NPC1: variants seen among roughly 807,000 people sequenced by gnomAD.
NPC1 encodes Niemann-Pick C1 protein.
NPC1 carries 85 observed loss-of-function variants against 140.4 expected under a neutral mutation model. The ratio of observed to expected loss-of-function variants is 0.61; its 90% CI spans 0.51 to 0.72. The LOEUF (loss-of-function observed/expected upper bound fraction) is 0.72, where lower values mean the gene tolerates loss of function less well. Among genes scored for constraint, NPC1 ranks in the 30% least tolerant of loss-of-function variants. The pLI is 0.00. For synonymous variants in NPC1, 656 were observed against 624.8 expected, an observed-to-expected ratio of 1.05 and a Z score of -0.74; for missense variants, 1,504 against 1,623.8, an observed-to-expected ratio of 0.93 and a Z score of 1.27.
chr18:23,538,746 A>G, intron 19 of NPC1, 75 bp from the exon 20 acceptor site: 1 of 1,452,442 alleles, frequency 6.9e-7, no homozygotes, highest in Non-Finnish European at 9.6e-7. Flanking sequence ...TAAAATACTG[A>G]CAGTGAGGGG....
At chr18:23,512,016 C>CTTTTT (rs34759918) in intron 3 of NPC1, among the ~76,000 whole-genome samples, 1 of 127,222 alleles carries the variant, frequency 7.9e-6, no homozygotes, top group African/African-American at 2.9e-5. Flanking sequence ...GGTAGAAAGA[C>CTTTTT]TTTTTTTTTT....
Position 23,560,102 on chromosome 18 carries a change from T to C in NPC1, c.881+129A>G, listed in dbSNP as rs1426104668. ...ATAGAATAGCTGTAGGACACAATAA[T>C]CCATGCAATGGTATTCATGGAGGTA... is the stretch of plus-strand genomic sequence containing the variant. On this transcript the variant is annotated intron_variant, in intron 6 of 24. Coordinates refer to ENST00000269228, the MANE Select transcript of NPC1 (RefSeq NM_000271.5). 1.1e-5 allele frequency: 12 copies of C among 1,106,526 alleles called. No individual in the cohort carries two copies. In the Admixed American group the frequency reaches 2.1e-4, roughly 19 times the overall value. The allele number at this position is 1,106,526 out of a possible 1,614,324, so 68.5% of individuals were successfully genotyped here. A position where few individuals can be genotyped will look rare whatever the true frequency, so the allele number is the denominator to read the frequency against.
At position 23,531,514 on chromosome 18, in the gene NPC1, A is replaced by ATTAT; in HGVS notation, c.*687_*688insATAA. On this transcript the variant is annotated 3_prime_UTR_variant, in exon 25 of 25. Coordinates refer to ENST00000269228, the MANE Select transcript of NPC1 (RefSeq NM_000271.5). ...ACCCCAAAACTTAGGAAAACAATGT[A>ATTAT]TTTTATTAAAGAAAAATAAGTTAAA... 2.0e-6 allele frequency: 3 copies of ATTAT among 1,505,668 alleles called. No homozygotes were observed. Among genetic ancestry groups the ATTAT allele is most frequent in the Non-Finnish European group, 2.6e-6 (3 of 1,134,810 alleles). 93.3% of individuals were successfully genotyped at this position (1,505,668 alleles called of 1,614,324 possible). A position where few individuals can be genotyped will look rare whatever the true frequency, so the allele number is the denominator to read the frequency against.
chr18:23,509,120 T>G, intron 3 of NPC1: 1 of 501,356 alleles, frequency 2.0e-6, no homozygotes, highest in Non-Finnish European at 3.2e-6. Flanking sequence ...CTGCAGAGTT[T>G]GTGAAGCTTT....
intron 9 of NPC1, among the ~76,000 whole-genome samples, chr18:23,553,632 C>T (rs1567962895): frequency 6.6e-6 from 1 of 152,210 alleles, no homozygotes; most frequent in Non-Finnish European, 1.5e-5. Context: ...GAAATAGCCA[C>T]TGTGGTTGCT....
At chr18:23,549,742 C>T in intron 10 of NPC1, among the ~76,000 whole-genome samples, 1 of 138,008 alleles carries the variant, frequency 7.2e-6, no homozygotes, top group African/African-American at 2.7e-5. Flanking sequence ...TTTTTCACAA[C>T]TTTTTTTTTT....
At position 23,586,435 on chromosome 18, in the gene NPC1, C is replaced by T. The variant is rs777793241; in HGVS notation, c.-92G>A. 169 of 1,514,796 alleles carry T rather than the reference C, an allele frequency of 1.1e-4. No homozygotes were observed. Among genetic ancestry groups the T allele is most frequent in the Non-Finnish European group, 1.5e-4 (168 of 1,137,606 alleles). 93.8% of individuals were successfully genotyped at this position (1,514,796 alleles called of 1,614,324 possible). A position where few individuals can be genotyped will look rare whatever the true frequency, so the allele number is the denominator to read the frequency against. Reference sequence around the variant, plus strand: ...TACTTCCCCGGGCTGTTTCAGCACCCCGCGCAGGAGGAGCGGAGGAGCAGG... The same window carrying T: ...TACTTCCCCGGGCTGTTTCAGCACCTCGCGCAGGAGGAGCGGAGGAGCAGG... On this transcript the variant is annotated 5_prime_UTR_variant, in exon 1 of 25. Transcript: ENST00000269228.
downstream of NPC1, chr18:23,520,281 G>A (rs149011489): frequency 9.1e-5 from 147 of 1,614,036 alleles, no homozygotes; most frequent in African/African-American, 1.3e-3. Flanking sequence ...CTTCCCGCTC[G>A]ATCGATCCAG....
intron 4 of NPC1, among the ~76,000 whole-genome samples, chr18:23,562,459 C>G (rs911412959): frequency 6.6e-6 from 1 of 151,858 alleles, no homozygotes; most frequent in African/African-American, 2.4e-5. Context: ...CCAGTCTCTG[C>G]TTGCTAGAAA....
At chr18:23,577,034 G>C (rs927953884) in intron 1 of NPC1, 1 of 152,208 alleles carries the variant, frequency 6.6e-6, no homozygotes, top group East Asian at 1.9e-4. Flanking sequence ...GGCCTGTTTT[G>C]TCAGGGTGCT....
intron 6 of NPC1, among the ~76,000 whole-genome samples, chr18:23,558,017 C>A (rs2058980113): frequency 6.6e-6 from 1 of 151,998 alleles, no homozygotes; most frequent in African/African-American, 2.4e-5. Flanking sequence ...AATTAAAAGT[C>A]CATGATGTAA....
rs145362908 is a variant in NPC1, at chr18:23,541,154, C to T, written c.2428G>A (p.Val810Ile). ...CVRGAEDGTSVQASESCLFRF... is the reference protein window; with the variant it reads ...CVRGAEDGTSIQASESCLFRF... ...AACAAACAGCTCTCTGAGGCCTGGACGCTTGTTCCATCTTCAGCACCTCTG... is the reference window on the plus strand; with the variant it reads ...AACAAACAGCTCTCTGAGGCCTGGATGCTTGTTCCATCTTCAGCACCTCTG... Residue 810 changes from valine (V) to isoleucine (I), a missense_variant, in exon 16 of 25, where the codon GTC becomes ATC. By Grantham distance (29) the Val-to-Ile change is conservative. Transcript: ENST00000269228. 218 of 1,614,194 alleles carry T rather than the reference C, an allele frequency of 1.4e-4. No individual in the cohort carries two copies. In the South Asian group the frequency reaches 1.9e-3, roughly 14 times the overall value.
chr18:23,578,255 T>C (rs1032822113), intron 1 of NPC1, among the ~76,000 whole-genome samples: 1 of 152,212 alleles, frequency 6.6e-6, no homozygotes, highest in Non-Finnish European at 1.5e-5. Context: ...TATACCCCTT[T>C]TACAGATGCA....
Position 23,539,901 on chromosome 18 carries a change from G to C in NPC1, c.2705C>G (p.Ser902Cys), listed in dbSNP as rs374656358. ...GCCGCACACCATGTTCTGCCCCTTG[G>C]AAGAAGTGTAGTCGTGCCCTTCCTC... Reference protein sequence around the residue: ...VLEEGHDYTSSKGQNMVCGGM... With the variant: ...VLEEGHDYTSCKGQNMVCGGM... Residue 902 changes from serine (S) to cysteine (C), a missense_variant, in exon 18 of 25, where the codon TCC becomes TGC. Physicochemically the swap from Ser to Cys is moderately radical, Grantham distance 112 (BLOSUM62 -1). Coordinates refer to ENST00000269228, the MANE Select transcript of NPC1 (RefSeq NM_000271.5). 6.2e-6 allele frequency: 10 copies of C among 1,614,126 alleles called. No homozygotes were observed. The highest frequency in any genetic ancestry group is 8.5e-6 in the Non-Finnish European group (10 of 1,180,054).
intron 6 of NPC1, among the ~76,000 whole-genome samples, chr18:23,557,531 G>A (rs2058972251): frequency 6.6e-6 from 1 of 152,286 alleles, no homozygotes; most frequent in Admixed American, 6.5e-5. Flanking sequence ...CAAGGTGGGC[G>A]GGATCACGAG....
At chr18:23,547,750 GA>G (rs1257585452) in intron 11 of NPC1, among the ~76,000 whole-genome samples, 1 of 152,146 alleles carries the variant, frequency 6.6e-6, no homozygotes, top group African/African-American at 2.4e-5. Context: ...AAAAATAAAT[GA>G]AATAAGTAAA....
intron 3 of NPC1, among the ~76,000 whole-genome samples, chr18:23,509,984 C>CT (rs71163612): frequency 2.0e-3 from 242 of 122,056 alleles, no homozygotes; most frequent in Middle Eastern, 9.6e-3. Flanking sequence ...GGATTTTATT[C>CT]TTTTTTTTTT....
Position 23,531,895 on chromosome 18 carries a change from A to C in NPC1, c.*307T>G, listed in dbSNP as rs2058523583. 6.9e-7 allele frequency: 1 copy of C among 1,441,684 alleles called. No individual in the cohort carries two copies. The highest frequency in any genetic ancestry group is 1.4e-5 in the African/African-American group (1 of 69,484). 89.3% of individuals were successfully genotyped at this position (1,441,684 alleles called of 1,614,324 possible). On this transcript the variant is annotated 3_prime_UTR_variant, in exon 25 of 25. Coordinates refer to ENST00000269228, the MANE Select transcript of NPC1 (RefSeq NM_000271.5). ...ACAGTGCATTGATTGGCCTTTACAG[A>C]GTGTCAGTGAGCGGATCACATTCAC...
At chr18:23,526,802 G>GT, downstream of NPC1, 3 of 1,608,350 alleles carry the variant, frequency 1.9e-6, no homozygotes, top group Middle Eastern at 1.7e-4. Context: ...TGATTCCAGT[G>GT]TGAGGCCTGT....
Sources: allele counts gnomAD v4.1 joint callset (sites outside exome capture counted in the v4.1 genomes callset), GRCh38; gene constraint gnomAD v4.1.1; transcripts MANE v1.5; gene names NCBI Gene and HGNC (gene_info 2026-07-23, HGNC 2026-07-21).